The following FARS2 variants were observed in gnomAD, a reference collection of about 807,000 sequenced individuals.
FARS2 encodes the protein phenylalanyl-tRNA synthetase 2, mitochondrial, also known as phenylalanine--tRNA ligase, mitochondrial.
FARS2 carries 40 observed loss-of-function variants against 46.4 expected under a neutral mutation model. The observed-to-expected ratio is 0.86, with a 90% CI of 0.67 to 1.12. The LOEUF (loss-of-function observed/expected upper bound fraction) is 1.12, where lower values mean the gene tolerates loss of function less well. FARS2 is among the 50% of genes most tolerant of loss of function. FARS2 has a pLI of 0.00. For missense variants in FARS2, 513 were observed against 567.9 expected (o/e 0.90, Z 0.98); for synonymous variants, 234 against 214.9 (o/e 1.09, Z -0.78).
At chr6:5,574,185 A>C (rs1334180273) in intron 5 of FARS2, among the ~76,000 whole-genome samples, 2 of 152,122 alleles carry the variant, frequency 1.3e-5, no homozygotes, top group Admixed American at 1.3e-4. Flanking sequence ...AGGCTGGACT[A>C]CAGTGGTGCG....
At chr6:5,398,216 A>G (rs978241750) in intron 2 of FARS2, among the ~76,000 whole-genome samples, 2 of 152,184 alleles carry the variant, frequency 1.3e-5, no homozygotes, top group East Asian at 3.8e-4. Context: ...AATTTTTGCC[A>G]GAAATTATTG....
chr6:5,448,501 A>G (rs1764304452), intron 4 of FARS2, among the ~76,000 whole-genome samples: 1 of 145,608 alleles, frequency 6.9e-6, no homozygotes, highest in Non-Finnish European at 1.5e-5. Context: ...AGTGTATTTT[A>G]GAGATGTTTG....
rs1581724087 is a variant in FARS2 at position 5,299,167 on chromosome 6, C to T, written c.-22+37507C>T. Among the ~76,000 whole-genome samples, 4 of 152,308 alleles carry T rather than the reference C, an allele frequency of 2.6e-5. 1 individual carries two copies. In the East Asian group the frequency reaches 7.7e-4, roughly 29 times the overall value. On this transcript the variant is annotated intron_variant, in intron 1 of 6. Coordinates refer to ENST00000274680, the MANE Select transcript of FARS2 (RefSeq NM_006567.5). ...TTTAGCTCACTTTGGGTTTTGATGG[C>T]AGTTTCATTTTATAAACTGAAGACT...
At chr6:5,341,200 T>TATAG (rs1290721709) in intron 1 of FARS2, among the ~76,000 whole-genome samples, 160 of 4,856 alleles carry the variant, frequency 0.033, 7 homozygotes, top group Non-Finnish European at 0.073. Context: ...TATATATATA[T>TATAG]ATATATATAT....
chr6:5,625,562 A>G (rs1775990505), intron 6 of FARS2, among the ~76,000 whole-genome samples: 1 of 152,198 alleles, frequency 6.6e-6, no homozygotes, highest in African/African-American at 2.4e-5. Flanking sequence ...ATGGCACCCA[A>G]GATCCTGGGT....
Position 5,432,162 on chromosome 6 carries a change from A to G in FARS2, c.904+990A>G, listed in dbSNP as rs1763206718. ...GTGAAACCCTGTCTCTACTGAAAAT[A>G]CAAAAATTAGCTGGGTGTGGTGGTG... is the stretch of plus-strand genomic sequence containing the variant. On this transcript the variant is annotated intron_variant, in intron 4 of 6. Coordinates refer to ENST00000274680, the MANE Select transcript of FARS2 (RefSeq NM_006567.5). Among the ~76,000 whole-genome samples, 4 of 149,142 alleles carry G rather than the reference A, an allele frequency of 2.7e-5. No individual in the cohort carries two copies. In the South Asian group the frequency reaches 8.3e-4, roughly 31 times the overall value.
At chr6:5,431,982 T>A (rs985487771) in intron 4 of FARS2, among the ~76,000 whole-genome samples, 1 of 151,522 alleles carries the variant, frequency 6.6e-6, no homozygotes, top group African/African-American at 2.4e-5. Context: ...TTTTTGAAAG[T>A]TACTATCTGA....
chr6:5,347,724 G>A (rs994357627), intron 1 of FARS2, among the ~76,000 whole-genome samples: 3 of 152,060 alleles, frequency 2.0e-5, no homozygotes, highest in Admixed American at 1.3e-4. Flanking sequence ...AAACATTGCC[G>A]GCCATTTTTC....
rs1561969820 is a variant in FARS2 at position 5,341,214 on chromosome 6, TATATATATATATA to T, written c.-21-27335_-21-27323del. 2.2e-3 allele frequency among the ~76,000 whole-genome samples: 20 copies of T among 9,222 alleles called. 1 individual carries two copies. The highest frequency in any genetic ancestry group is 7.2e-3 in the African/African-American group (15 of 2,090). The allele number at this position is 9,222 out of a possible 152,430, so 6.0% of individuals were successfully genotyped here. Reference sequence around the variant, plus strand: ...ATATATATATATATATATATATATATATATATATATATATATATATATTTTTTTTTTTTTTTTT... The same window carrying T: ...ATATATATATATATATATATATATATTATATATATTTTTTTTTTTTTTTTT... On this transcript the variant is annotated intron_variant, in intron 1 of 6. Transcript: ENST00000274680.
At chr6:5,531,152 T>A (rs577999409) in intron 4 of FARS2, among the ~76,000 whole-genome samples, 19 of 152,234 alleles carry the variant, frequency 1.2e-4, no homozygotes, top group South Asian at 6.2e-4. Context: ...CTAGCAGATT[T>A]TCACGTATAT....
chr6:5,278,735 A>G (rs185369522), intron 1 of FARS2, among the ~76,000 whole-genome samples: 91 of 152,278 alleles, frequency 6.0e-4, no homozygotes, highest in Non-Finnish European at 1.0e-3. Context: ...CTCTGAATTA[A>G]TTGGGTATGA....
chr6:5,297,546 G>A (rs1394785160), intron 1 of FARS2, among the ~76,000 whole-genome samples: 3 of 152,106 alleles, frequency 2.0e-5, no homozygotes, highest in African/African-American at 4.8e-5. Context: ...TACTCGGGAG[G>A]CTGAGGTAGG....
the FARS2 span, among the ~76,000 whole-genome samples, chr6:5,253,084 T>C: frequency 3.9e-5 from 6 of 152,338 alleles, no homozygotes; most frequent in African/African-American, 1.4e-4. Flanking sequence ...TTACCCTTAA[T>C]AGGAGGCTCA....
chr6:5,252,578 A>G, the FARS2 span, among the ~76,000 whole-genome samples: 2 of 152,090 alleles, frequency 1.3e-5, no homozygotes, highest in Admixed American at 1.3e-4. Flanking sequence ...TTGCCTAATC[A>G]ATAGTTCTTC....
intron 5 of FARS2, among the ~76,000 whole-genome samples, chr6:5,560,050 C>T (rs1019300847): frequency 1.3e-5 from 2 of 152,088 alleles, no homozygotes; most frequent in African/African-American, 4.8e-5. Flanking sequence ...TTTGAAAAAG[C>T]CATTTTACCA....
chr6:5,324,226 ACT>A (rs1269937152), intron 1 of FARS2, among the ~76,000 whole-genome samples: 1 of 151,808 alleles, frequency 6.6e-6, no homozygotes, highest in Non-Finnish European at 1.5e-5. Flanking sequence ...GTAGTGACAA[ACT>A]CTATTGTGTG....
At chr6:5,401,016 G>A (rs1415081770) in intron 2 of FARS2, among the ~76,000 whole-genome samples, 1 of 151,736 alleles carries the variant, frequency 6.6e-6, no homozygotes, top group Non-Finnish European at 1.5e-5. Flanking sequence ...CCATTTGCCT[G>A]TTATATTCTG....
chr6:5,256,254 C>G (rs986862797), upstream of FARS2, among the ~76,000 whole-genome samples: 2 of 151,882 alleles, frequency 1.3e-5, no homozygotes, highest in African/African-American at 4.8e-5. Flanking sequence ...CTTTGGGAGG[C>G]CGAGGTGGGC....
At chr6:5,710,574 C>T (rs1401603715) in intron 6 of FARS2, among the ~76,000 whole-genome samples, 3 of 152,102 alleles carry the variant, frequency 2.0e-5, no homozygotes, top group Non-Finnish European at 2.9e-5. Context: ...GGGGGGCTTC[C>T]TAGGCCACAG....
Sources: allele counts gnomAD v4.1 joint callset (sites outside exome capture counted in the v4.1 genomes callset), GRCh38; gene constraint gnomAD v4.1.1; transcripts MANE v1.5; gene names NCBI Gene and HGNC (gene_info 2026-07-23, HGNC 2026-07-21).